The following LYN variants were observed in gnomAD, a reference collection of about 807,000 sequenced individuals.
The protein encoded by LYN is tyrosine-protein kinase Lyn.
LYN carries 12 observed loss-of-function variants against 65.0 expected under a neutral mutation model. The observed-to-expected ratio is 0.18, with a 90% CI of 0.12 to 0.30. LYN has a LOEUF of 0.30. LYN is among the 10% of genes least tolerant of loss of function. The probability of loss-of-function intolerance (pLI) is 1.00; values close to 1 mark genes in which losing one functional copy is unlikely to be tolerated. For missense variants in LYN, 380 were observed against 623.2 expected, an observed-to-expected ratio of 0.61 and a Z score of 4.16; for synonymous variants, 222 against 221.2, an observed-to-expected ratio of 1.00 and a Z score of -0.03.
At chr8:55,940,265 G>C (rs960897688) in intron 1 of LYN, 4 of 152,254 alleles carry the variant, frequency 2.6e-5, no homozygotes, top group Non-Finnish European at 5.9e-5. Context: ...ATCACATGGG[G>C]AGCAGCATGC....
At chr8:55,979,547 A>G (rs1807859186) in intron 10 of LYN, among the ~76,000 whole-genome samples, 1 of 152,188 alleles carries the variant, frequency 6.6e-6, no homozygotes, top group Non-Finnish European at 1.5e-5. Context: ...GGCTTTGTGA[A>G]ACACAATGAG....
At chr8:56,003,089 T>G (rs576963127) in intron 12 of LYN, among the ~76,000 whole-genome samples, 1 of 150,440 alleles carries the variant, frequency 6.6e-6, no homozygotes, top group Non-Finnish European at 1.5e-5. Flanking sequence ...AGACAGAATC[T>G]CGCTCTGTTG....
intron 1 of LYN, among the ~76,000 whole-genome samples, chr8:55,927,718 C>A (rs1169035063): frequency 3.9e-5 from 6 of 151,904 alleles, no homozygotes. Context: ...GCCTGTAATG[C>A]CCAGCTACTC....
At chr8:55,989,417 T>A (rs1300252673) in intron 10 of LYN, among the ~76,000 whole-genome samples, 1 of 152,164 alleles carries the variant, frequency 6.6e-6, no homozygotes, top group Non-Finnish European at 1.5e-5. Flanking sequence ...TCTGGTGTGG[T>A]CATAGGCAAC....
chr8:55,911,113 ATAC>A (rs1585588086), intron 1 of LYN, among the ~76,000 whole-genome samples: 1 of 31,748 alleles, frequency 3.1e-5, no homozygotes, highest in Non-Finnish European at 6.1e-5. Flanking sequence ...ACACGTATAT[ATAC>A]GTATATATAT....
At chr8:55,958,700 A>C (rs1228420671) in intron 8 of LYN, among the ~76,000 whole-genome samples, 3 of 152,232 alleles carry the variant, frequency 2.0e-5, no homozygotes, top group Non-Finnish European at 4.4e-5. Flanking sequence ...TCAAATAATT[A>C]GAATCATACA....
intron 8 of LYN, among the ~76,000 whole-genome samples, chr8:55,956,719 C>T (rs1350648569): frequency 6.6e-6 from 1 of 152,140 alleles, no homozygotes; most frequent in African/African-American, 2.4e-5. Context: ...CTATTCCAAC[C>T]CCACTGGCTC....
intron 1 of LYN, among the ~76,000 whole-genome samples, chr8:55,894,679 C>A (rs534054697): frequency 4.1e-4 from 63 of 152,002 alleles, no homozygotes; most frequent in Non-Finnish European, 7.9e-4. Flanking sequence ...ATTACAGGCA[C>A]CTGCCACCAT....
intron 1 of LYN, among the ~76,000 whole-genome samples, chr8:55,892,738 C>G (rs189843982): frequency 1.9e-4 from 29 of 152,194 alleles, no homozygotes; most frequent in Non-Finnish European, 2.9e-5. Context: ...ACAGTTCTTT[C>G]TAACAGGATT....
intron 8 of LYN, among the ~76,000 whole-genome samples, chr8:55,957,561 A>G (rs1036705830): frequency 2.6e-5 from 4 of 152,230 alleles, no homozygotes; most frequent in Non-Finnish European, 2.9e-5. Flanking sequence ...ATTGCATGCT[A>G]TTTGCTCCTG....
rs185475755 is a variant in LYN at position 56,008,212 on chromosome 8, G to A, written c.1337-1696G>A. Among the ~76,000 whole-genome samples, 50 of 152,170 alleles carry A rather than the reference G, an allele frequency of 3.3e-4. No homozygotes were observed. In the East Asian group the frequency reaches 5.4e-3, roughly 16 times the overall value. The stretch of plus-strand genomic sequence containing the variant: ...ATCCCAAATTGTTGATCCCAAATGC[G>A]GATAGTGCCCCGCAATTTGAAAAAC... On this transcript the variant is annotated intron_variant, in intron 12 of 12. Transcript: ENST00000519728.
At chr8:55,990,520 A>T (rs1043016706) in intron 10 of LYN, among the ~76,000 whole-genome samples, 1 of 152,204 alleles carries the variant, frequency 6.6e-6, no homozygotes, top group Non-Finnish European at 1.5e-5. Flanking sequence ...AATTTCCCCC[A>T]TAAGAGATGG....
chr8:55,890,937 C>T (rs1399347041), intron 1 of LYN, among the ~76,000 whole-genome samples: 2 of 151,954 alleles, frequency 1.3e-5, no homozygotes, highest in Non-Finnish European at 2.9e-5. Context: ...CCATGTTGTC[C>T]AGGCTAATCT....
At chr8:55,954,902 T>C (rs1469468760) in intron 8 of LYN, among the ~76,000 whole-genome samples, 2 of 152,140 alleles carry the variant, frequency 1.3e-5, no homozygotes, top group South Asian at 2.1e-4. Context: ...TGAACTTCTT[T>C]GGTGATAAGA....
At position 55,887,830 on chromosome 8, in the gene LYN, G is replaced by A. The variant is rs146360725; in HGVS notation, c.-6+7727G>A. On this transcript the variant is annotated intron_variant, in intron 1 of 12. Transcript: ENST00000519728. ...TTGCTGTGTTGGCCAGGCTGGTCTC[G>A]AACTTCTGGCCTCAAGTTATCCGGC... 5.7e-3 allele frequency among the ~76,000 whole-genome samples: 864 copies of A among 151,980 alleles called. 13 individuals carry two copies. Among genetic ancestry groups the A allele is most frequent in the East Asian group, 0.048 (248 of 5,162 alleles).
chr8:55,955,018 T>G (rs370826842), intron 8 of LYN: 1 of 152,332 alleles, frequency 6.6e-6, no homozygotes, highest in East Asian at 1.9e-4. Flanking sequence ...CACATCTGAC[T>G]GGGTCACTTT....
intron 1 of LYN, among the ~76,000 whole-genome samples, chr8:55,911,585 G>T (rs1475476917): frequency 1.3e-5 from 2 of 151,960 alleles, no homozygotes; most frequent in Admixed American, 6.6e-5. Context: ...GTGGAAAGAA[G>T]TCTGAATTGG....
chr8:55,974,797 T>G (rs1237143631), intron 10 of LYN, among the ~76,000 whole-genome samples: 1 of 152,206 alleles, frequency 6.6e-6, no homozygotes, highest in East Asian at 1.9e-4. Flanking sequence ...CCTTGATTAG[T>G]AACAACCTTT....
At chr8:55,938,964 T>C (rs1208477017) in intron 1 of LYN, among the ~76,000 whole-genome samples, 1 of 152,234 alleles carries the variant, frequency 6.6e-6, no homozygotes, top group Admixed American at 6.5e-5. Flanking sequence ...TCTTCAAGGA[T>C]TAAATGAGAT....
Sources: gnomAD v4.1 joint callset for allele counts (sites outside exome capture counted in the v4.1 genomes callset) on GRCh38, gnomAD v4.1.1 for gene constraint, MANE v1.5 for transcripts, NCBI Gene and HGNC (gene_info 2026-07-23, HGNC 2026-07-21) for gene names.